MEI1: variants seen among roughly 807,000 people sequenced by gnomAD.
MEI1 encodes the protein meiotic double-stranded break formation protein 1.
MEI1 carries 103 observed loss-of-function variants against 146.2 expected under a neutral mutation model. The ratio of observed to expected loss-of-function variants is 0.70; its 90% confidence interval spans 0.60 to 0.83. The LOEUF is 0.83. Ranked by LOEUF, MEI1 falls within the 40% of genes least tolerant of loss-of-function variation. The probability of loss-of-function intolerance (pLI) is 0.00; values close to 1 mark genes in which losing one functional copy is unlikely to be tolerated. For missense variants in MEI1, 1,529 were observed against 1,533.0 expected (o/e 1.00, Z 0.04); for synonymous variants, 652 against 628.2 (o/e 1.04, Z -0.57).
Position 41,716,683 on chromosome 22 carries a change from A to G in MEI1, c.529+537A>G, listed in dbSNP as rs1601701076. On this transcript the variant is annotated intron_variant, in intron 5 of 30. Transcript: ENST00000401548. ...GAGCCACCACGCTGGCCTTCCATTC[A>G]TTCTTTTTTTTTTTTTTTTTTCCCT... Among the ~76,000 whole-genome samples the G allele has an allele frequency of 3.4e-5, 3 of 88,266 alleles. No individual in the cohort carries two copies. In the South Asian group the frequency reaches 1.2e-3, roughly 34 times the overall value. The allele number at this position is 88,266 out of a possible 152,430, so 57.9% of individuals were successfully genotyped here.
chr22:41,779,316 GATGCAGACCT>G (rs1210826134), intron 22 of MEI1, among the ~76,000 whole-genome samples: 1 of 152,136 alleles, frequency 6.6e-6, no homozygotes, highest in South Asian at 2.1e-4. Context: ...TGTGTGTCGT[GATGCAGACCT>G]ATATATAGTC....
At chr22:41,703,812 C>G (rs2068885851) in intron 2 of MEI1, among the ~76,000 whole-genome samples, 5 of 151,944 alleles carry the variant, frequency 3.3e-5, no homozygotes, top group Admixed American at 1.3e-4. Context: ...GGTAAAACCC[C>G]CATCTCTACT....
At chr22:41,780,145 T>G (rs998240980) in intron 22 of MEI1, among the ~76,000 whole-genome samples, 2 of 152,166 alleles carry the variant, frequency 1.3e-5, no homozygotes, top group Non-Finnish European at 2.9e-5. Context: ...GATCTGTGTG[T>G]GACAAACTCA....
intron 11 of MEI1, among the ~76,000 whole-genome samples, chr22:41,738,926 C>T (rs999860307): frequency 7.8e-4 from 119 of 151,754 alleles, no homozygotes; most frequent in Non-Finnish European, 1.4e-3. Flanking sequence ...ATGATCACAC[C>T]GCTGCACTCC....
chr22:41,721,071 G>A (rs949793510), intron 6 of MEI1, among the ~76,000 whole-genome samples: 8 of 150,670 alleles, frequency 5.3e-5, no homozygotes, highest in African/African-American at 1.5e-4. Context: ...AAGCCACTGC[G>A]CCCAGCCTTT....
chr22:41,716,355 CTTTTTTTTTTTTTTTTTTTTTTTTTT>C (rs6147630), intron 5 of MEI1, among the ~76,000 whole-genome samples: 5 of 118,586 alleles, frequency 4.2e-5, no homozygotes, highest in Non-Finnish European at 5.1e-5. Context: ...TCCATTCATT[CTTTTTTTTTTTTTTTTTTTTTTTTTT>C]TTTTTTTTTT....
rs1434922760 is a variant in MEI1, at chr22:41,730,572, G to C, written c.1031G>C (p.Ser344Thr). ...TCCAGTGAAGTGCTCGTCTGGTCCA[G>C]CTGTAACTGCTTGACACTCCTGGTA... ...SSSSEVLVWS[S>T]CNCLTLLVEE... Residue 344 changes from serine to threonine, a missense_variant, in exon 9 of 31, where the codon AGC becomes ACC. Coordinates refer to ENST00000401548, the MANE Select transcript of MEI1 (RefSeq NM_152513.4). 6.2e-7 allele frequency: 1 copy of C among 1,613,870 alleles called. No individual in the cohort carries two copies. The highest frequency in any genetic ancestry group is 8.5e-7 in the Non-Finnish European group (1 of 1,179,814).
intron 22 of MEI1, 95 bp downstream of exon 22, chr22:41,778,907 T>C (rs913362929): frequency 2.8e-5 from 25 of 884,958 alleles, no homozygotes; most frequent in East Asian, 1.1e-4. Flanking sequence ...TCTTCTACTC[T>C]TTCATCCCTT....
chr22:41,737,524 C>A (rs2072481998), intron 11 of MEI1, among the ~76,000 whole-genome samples: 1 of 151,612 alleles, frequency 6.6e-6, no homozygotes, highest in African/African-American at 2.4e-5. Flanking sequence ...CAGGCGTGAG[C>A]CACCGCGCCC....
At chr22:41,712,224 G>GT (rs375549191) in intron 3 of MEI1, among the ~76,000 whole-genome samples, 7,518 of 65,574 alleles carry the variant, frequency 0.11, 756 homozygotes, top group African/African-American at 0.35. Flanking sequence ...AAAGCATTGT[G>GT]TTTTTTTTGT....
Position 41,732,257 on chromosome 22 carries a change from T to C in MEI1, c.1109T>C (p.Val370Ala), listed in dbSNP as rs1488854626. The change falls in exon 10 of 31, where the codon GTG (valine) becomes GCG (alanine). Residue 370 changes from valine to alanine, a missense_variant. By Grantham distance (64) the Val-to-Ala change is moderately conservative (BLOSUM62 0). This residue lies in a region of MEI1 where 1,212 missense variants were observed against 1,178.9 expected (regional missense o/e 1.03). Coordinates refer to ENST00000401548, the MANE Select transcript of MEI1 (RefSeq NM_152513.4). ...KCHTVYGIEAVVRSLQGSLKM... is the reference protein window; with the variant it reads ...KCHTVYGIEAAVRSLQGSLKM... ...CATCCTGTGGTAGGGATCGAGGCAG[T>C]GGTGAGGAGCCTGCAGGGAAGCCTG... 1.2e-6 allele frequency: 2 copies of C among 1,610,144 alleles called. No individual in the cohort carries two copies. The highest frequency in any genetic ancestry group is 1.7e-6 in the Non-Finnish European group (2 of 1,178,466).
At chr22:41,700,841 A>G (rs1481261040) in intron 1 of MEI1, among the ~76,000 whole-genome samples, 3 of 149,046 alleles carry the variant, frequency 2.0e-5, no homozygotes, top group South Asian at 2.1e-4. Flanking sequence ...GTCTCAAGCA[A>G]TTCTCCTGCC....
intron 15 of MEI1, among the ~76,000 whole-genome samples, chr22:41,750,906 C>G (rs1017559939): frequency 7.2e-5 from 11 of 152,136 alleles, no homozygotes; most frequent in Non-Finnish European, 4.4e-5. Context: ...TTCCTGCCTG[C>G]CATACTTCCG....
chr22:41,709,131 A>ATTCTGCAT (rs986010434), intron 3 of MEI1: 17 of 697,656 alleles, frequency 2.4e-5, no homozygotes, highest in Non-Finnish European at 2.3e-5. Context: ...GCTTAAAAAA[A>ATTCTGCAT]TTCTGCATTT....
At chr22:41,749,768 A>T (rs1365238429) in intron 15 of MEI1, among the ~76,000 whole-genome samples, 1 of 152,124 alleles carries the variant, frequency 6.6e-6, no homozygotes, top group African/African-American at 2.4e-5. Flanking sequence ...GTGTTGGGGC[A>T]TGGAATAGCT....
chr22:41,723,768 TCTG>T (rs1481059241), intron 6 of MEI1, among the ~76,000 whole-genome samples, 172 bp from the exon 7 acceptor site: 1 of 152,166 alleles, frequency 6.6e-6, no homozygotes, highest in Non-Finnish European at 1.5e-5. Flanking sequence ...TCTCACTAGA[TCTG>T]TGTGGAAGAG....
At chr22:41,778,685 C>A in intron 21 of MEI1, 23 bp from the exon 22 acceptor site, 1 of 1,564,868 alleles carries the variant, frequency 6.4e-7, no homozygotes, top group East Asian at 2.3e-5. Context: ...GGCTTCTTGC[C>A]CAGTCCTCCT....
intron 9 of MEI1, among the ~76,000 whole-genome samples, chr22:41,731,813 A>T (rs999745595): frequency 1.3e-5 from 2 of 152,160 alleles, no homozygotes; most frequent in African/African-American, 4.8e-5. Flanking sequence ...TGCAAAGGGA[A>T]ATTTCATTAT....
intron 6 of MEI1, chr22:41,721,988 G>C (rs1400520159): frequency 1.3e-5 from 2 of 151,090 alleles, no homozygotes; most frequent in Non-Finnish European, 2.9e-5. Context: ...CAAAGTGTTG[G>C]GATTACAGGC....
Sources: gnomAD v4.1 joint callset for allele counts (sites outside exome capture counted in the v4.1 genomes callset) on GRCh38, gnomAD v4.1.1 for gene constraint, gnomAD v4.1.1 regional missense constraint, MANE v1.5 for transcripts, NCBI Gene and HGNC (gene_info 2026-07-23, HGNC 2026-07-21) for gene names.